WWOX: variants seen among roughly 807,000 people sequenced by gnomAD.
The protein encoded by WWOX is WW domain containing oxidoreductase.
Under a neutral mutation model 46.2 loss-of-function variants are expected in WWOX, and 69 were observed. That is an observed-to-expected ratio of 1.49 (90% CI 1.23 to 1.82). WWOX has a LOEUF of 1.82. Ranked by LOEUF, WWOX falls within the 40% of genes most tolerant of loss-of-function variation. WWOX has a pLI of 0.00. For synonymous variants in WWOX, 359 were observed against 202.6 expected (o/e 1.77, Z -6.56); for missense variants, 919 against 542.6 (o/e 1.69, Z -6.89).
chr16:78,900,942 G>A (rs900082695), intron 8 of WWOX, among the ~76,000 whole-genome samples: 3 of 151,728 alleles, frequency 2.0e-5, no homozygotes, highest in African/African-American at 2.4e-5. Context: ...TTCCCAAGAA[G>A]AGCACTAATT....
intron 8 of WWOX, among the ~76,000 whole-genome samples, chr16:79,159,855 C>T (rs1035431560): frequency 6.6e-6 from 1 of 152,146 alleles, no homozygotes; most frequent in Non-Finnish European, 1.5e-5. Flanking sequence ...CGCCTTCTAG[C>T]CTGGGCTTGT....
intron 8 of WWOX, among the ~76,000 whole-genome samples, chr16:79,057,124 C>G (rs986138566): frequency 6.6e-6 from 1 of 152,176 alleles, no homozygotes; most frequent in Non-Finnish European, 1.5e-5. Flanking sequence ...TTGGGGAGTG[C>G]TAGCGCAGGT....
intron 8 of WWOX, among the ~76,000 whole-genome samples, chr16:79,039,898 C>G (rs538367217): frequency 2.0e-5 from 3 of 152,190 alleles, no homozygotes; most frequent in Non-Finnish European, 2.9e-5. Flanking sequence ...TGGACTGATA[C>G]GCTGGGCTCC....
At chr16:78,418,052 C>A (rs905565490) in intron 6 of WWOX, among the ~76,000 whole-genome samples, 1 of 152,150 alleles carries the variant, frequency 6.6e-6, no homozygotes, top group Non-Finnish European at 1.5e-5. Flanking sequence ...TGAGTGCTTT[C>A]CAGCAAGCGC....
chr16:78,775,514 G>C (rs567620194), intron 8 of WWOX, among the ~76,000 whole-genome samples: 12 of 152,092 alleles, frequency 7.9e-5, no homozygotes, highest in African/African-American at 2.7e-4. Context: ...GCCCTCCGGG[G>C]GGTGGGGTAT....
At chr16:78,817,089 C>A (rs1441234774) in intron 8 of WWOX, among the ~76,000 whole-genome samples, 1 of 150,406 alleles carries the variant, frequency 6.6e-6, no homozygotes, top group Non-Finnish European at 1.5e-5. Flanking sequence ...CCCTAACCCT[C>A]TGTAATCCCT....
chr16:79,079,534 T>C (rs1439488543), intron 8 of WWOX, among the ~76,000 whole-genome samples: 3 of 152,212 alleles, frequency 2.0e-5, no homozygotes, highest in Admixed American at 2.0e-4. Context: ...ATGTTTCCCA[T>C]TGTTTGCACT....
intron 5 of WWOX, among the ~76,000 whole-genome samples, chr16:78,376,945 T>A (rs368337239): frequency 6.6e-6 from 1 of 152,342 alleles, no homozygotes; most frequent in Admixed American, 6.5e-5. Context: ...ATCTTGTTTT[T>A]GTCTTTTTAT....
At chr16:78,872,854 G>A (rs2044156786) in intron 8 of WWOX, 1 of 152,342 alleles carries the variant, frequency 6.6e-6, no homozygotes, top group Admixed American at 6.5e-5. Flanking sequence ...CTGGAGTGTA[G>A]TGGTGTGATC....
At chr16:78,500,701 G>A (rs1399592737) in intron 8 of WWOX, among the ~76,000 whole-genome samples, 3 of 152,076 alleles carry the variant, frequency 2.0e-5, no homozygotes, top group African/African-American at 7.2e-5. Context: ...CTAGCTTTTC[G>A]GGAACACGTG....
chr16:78,407,935 GTAA>G (rs2082587415), intron 6 of WWOX, among the ~76,000 whole-genome samples: 1 of 152,218 alleles, frequency 6.6e-6, no homozygotes. Context: ...AAAGTGTTAA[GTAA>G]TGTAGGAATG....
At chr16:78,925,498 C>T (rs535893237) in intron 8 of WWOX, among the ~76,000 whole-genome samples, 2 of 152,172 alleles carry the variant, frequency 1.3e-5, no homozygotes, top group Non-Finnish European at 2.9e-5. Flanking sequence ...AAGTTCCCAG[C>T]GTCTTAACCA....
intron 8 of WWOX, among the ~76,000 whole-genome samples, chr16:78,997,203 C>T (rs1254413066): frequency 1.3e-5 from 2 of 152,104 alleles, no homozygotes; most frequent in Non-Finnish European, 2.9e-5. Context: ...TGCTTAACTC[C>T]AAGAGTCCTC....
At chr16:78,814,276 C>T (rs1436220515) in intron 8 of WWOX, among the ~76,000 whole-genome samples, 1 of 152,144 alleles carries the variant, frequency 6.6e-6, no homozygotes, top group African/African-American at 2.4e-5. Flanking sequence ...TTTATTTCCC[C>T]TTCCCCTCTT....
intron 8 of WWOX, among the ~76,000 whole-genome samples, chr16:79,072,383 A>G (rs533290728): frequency 2.9e-4 from 44 of 152,282 alleles, no homozygotes; most frequent in South Asian, 2.7e-3. Flanking sequence ...ACTGCCTCCC[A>G]TAGGCATGAG....
At chr16:78,697,106 A>G (rs1019914518) in intron 8 of WWOX, among the ~76,000 whole-genome samples, 3 of 152,212 alleles carry the variant, frequency 2.0e-5, no homozygotes, top group Non-Finnish European at 4.4e-5. Context: ...GCAATTGTGA[A>G]TTGTTGTGCT....
intron 8 of WWOX, among the ~76,000 whole-genome samples, chr16:79,013,867 A>T (rs1035340046): frequency 1.3e-5 from 2 of 152,100 alleles, no homozygotes; most frequent in East Asian, 3.9e-4. Flanking sequence ...CCGCCCTCCC[A>T]GGTGTTTGTA....
intron 8 of WWOX, among the ~76,000 whole-genome samples, chr16:78,637,622 A>G (rs774419768): frequency 6.6e-6 from 1 of 152,158 alleles, no homozygotes; most frequent in Non-Finnish European, 1.5e-5. Context: ...CAGATCAAAG[A>G]AAGATAAAAG....
intron 5 of WWOX, among the ~76,000 whole-genome samples, chr16:78,198,068 T>C (rs1302579980): frequency 6.6e-6 from 1 of 152,070 alleles, no homozygotes; most frequent in Non-Finnish European, 1.5e-5. Context: ...AAGTGGCCAC[T>C]GTCTCCTGGT....
Sources: gnomAD v4.1 joint callset for allele counts (sites outside exome capture counted in the v4.1 genomes callset) on GRCh38, gnomAD v4.1.1 for gene constraint, MANE v1.5 for transcripts, NCBI Gene and HGNC (gene_info 2026-07-23, HGNC 2026-07-21) for gene names.